SMIM36: variants seen among roughly 807,000 people sequenced by gnomAD.
SMIM36 encodes the protein small integral membrane protein 36.
intron 1 of SMIM36, among the ~76,000 whole-genome samples, chr17:55,486,334 G>C (rs1002146283): frequency 6.6e-6 from 1 of 152,090 alleles, no homozygotes; most frequent in African/African-American, 2.4e-5. Context: ...ATGGCTCCCC[G>C]CCCAGTAAGA....
chr17:55,473,011 T>C (rs1909367593), intron 3 of SMIM36, among the ~76,000 whole-genome samples: 1 of 152,158 alleles, frequency 6.6e-6, no homozygotes, highest in Non-Finnish European at 1.5e-5. Context: ...TCTATCACTC[T>C]CACCTACTCT....
intron 4 of SMIM36, among the ~76,000 whole-genome samples, chr17:55,451,127 C>G (rs112492093): frequency 6.6e-6 from 1 of 152,130 alleles, no homozygotes; most frequent in Non-Finnish European, 1.5e-5. Context: ...CCTCATAATC[C>G]GCTCTCCTCA....
chr17:55,502,384 G>T (rs1196842957), intron 1 of SMIM36, among the ~76,000 whole-genome samples: 3 of 100,304 alleles, frequency 3.0e-5, no homozygotes, highest in African/African-American at 1.1e-4. Context: ...TCTGAGAACC[G>T]GCAGACTGCC....
upstream of SMIM36, among the ~76,000 whole-genome samples, chr17:55,512,995 A>G (rs1202695525): frequency 6.6e-6 from 1 of 152,202 alleles, no homozygotes; most frequent in African/African-American, 2.4e-5. Context: ...ACGTTTTTCC[A>G]AATAATATCG....
At chr17:55,450,214 T>C (rs1474193038) in exon 5 of SMIM36, 1 of 152,088 alleles carries the variant, frequency 6.6e-6, no homozygotes, top group Non-Finnish European at 1.5e-5. Flanking sequence ...CACCAAAAGG[T>C]AGAAGAGGCA....
chr17:55,525,028 C>T, the SMIM36 span, among the ~76,000 whole-genome samples: 1 of 152,152 alleles, frequency 6.6e-6, no homozygotes. Context: ...GAGGAAGTTG[C>T]CCAAGGTCGT....
At chr17:55,502,110 CTG>C (rs1909999485) in intron 1 of SMIM36, among the ~76,000 whole-genome samples, 2 of 151,448 alleles carry the variant, frequency 1.3e-5, no homozygotes, top group Non-Finnish European at 1.5e-5. Context: ...GCACAGCAGT[CTG>C]TGATCAAACT....
chr17:55,530,290 G>A, the SMIM36 span, among the ~76,000 whole-genome samples: 1 of 152,184 alleles, frequency 6.6e-6, no homozygotes, highest in Non-Finnish European at 1.5e-5. Context: ...GCCCAGGGAT[G>A]TGAAAACAGT....
intron 1 of SMIM36, among the ~76,000 whole-genome samples, chr17:55,501,334 A>T (rs193109326): frequency 0.19 from 3,382 of 17,560 alleles, 330 homozygotes; most frequent in African/African-American, 0.33. Context: ...ATAATATATA[A>T]TATATTATAT....
At chr17:55,494,778 T>C (rs184750700) in intron 1 of SMIM36, among the ~76,000 whole-genome samples, 224 of 152,134 alleles carry the variant, frequency 1.5e-3, no homozygotes, top group African/African-American at 5.2e-3. Flanking sequence ...CATGTATACT[T>C]TTGTATATTT....
At chr17:55,525,700 C>G in the SMIM36 span, among the ~76,000 whole-genome samples, 1 of 152,106 alleles carries the variant, frequency 6.6e-6, no homozygotes, top group Non-Finnish European at 1.5e-5. Context: ...CTCTGTCATC[C>G]AGGCTGCAGT....
At chr17:55,450,625 C>T (rs768487278) in intron 4 of SMIM36, among the ~76,000 whole-genome samples, 7 of 152,154 alleles carry the variant, frequency 4.6e-5, no homozygotes, top group South Asian at 4.1e-4. Context: ...TGAGCCCAGA[C>T]GTGGAACCCG....
At chr17:55,494,146 A>G (rs1031680034) in intron 1 of SMIM36, among the ~76,000 whole-genome samples, 8 of 152,198 alleles carry the variant, frequency 5.3e-5, no homozygotes, top group African/African-American at 1.9e-4. Context: ...AAACAAAGTC[A>G]TCTCCAAAGG....
At chr17:55,462,547 A>C (rs1164303270) in intron 4 of SMIM36, among the ~76,000 whole-genome samples, 2 of 152,240 alleles carry the variant, frequency 1.3e-5, no homozygotes, top group South Asian at 2.1e-4. Flanking sequence ...TTGAAGTTGC[A>C]GTGAGCTATG....
At chr17:55,508,928 CAAA>C (rs35834283) in intron 1 of SMIM36, among the ~76,000 whole-genome samples, 123 of 97,020 alleles carry the variant, frequency 1.3e-3, no homozygotes, top group Middle Eastern at 0.012. Flanking sequence ...TGTCTCAGAA[CAAA>C]AAAAAAAAAA....
chr17:55,509,787 T>C (rs1249764931), intron 1 of SMIM36, among the ~76,000 whole-genome samples: 1 of 152,112 alleles, frequency 6.6e-6, no homozygotes, highest in South Asian at 2.1e-4. Flanking sequence ...AGATAATAAT[T>C]CAAAAATTTT....
intron 1 of SMIM36, among the ~76,000 whole-genome samples, chr17:55,480,717 T>C (rs1355993683): frequency 6.6e-6 from 1 of 152,324 alleles, no homozygotes; most frequent in South Asian, 2.1e-4. Flanking sequence ...AGTTTAATAA[T>C]AATTTTCTTT....
chr17:55,511,207 C>T (rs1910175977), exon 1 of SMIM36: 1 of 398,658 alleles, frequency 2.5e-6, no homozygotes, highest in African/African-American at 2.1e-5. Flanking sequence ...GTACTCCTTA[C>T]TGGGATCCTT....
chr17:55,520,386 A>T, the SMIM36 span, among the ~76,000 whole-genome samples: 1 of 152,212 alleles, frequency 6.6e-6, no homozygotes, highest in East Asian at 1.9e-4. Flanking sequence ...TTGTTTTCTT[A>T]TTAAATAGAG....
Sources: gnomAD v4.1 joint callset for allele counts (sites outside exome capture counted in the v4.1 genomes callset) on GRCh38, gnomAD v4.1.1 for gene constraint, MANE v1.5 for transcripts, NCBI Gene and HGNC (gene_info 2026-07-23, HGNC 2026-07-21) for gene names.